The following ARHGEF3 variants were observed in gnomAD, a reference collection of about 807,000 sequenced individuals.
The protein encoded by ARHGEF3 is Rho guanine nucleotide exchange factor 3.
In ARHGEF3, 28 loss-of-function variants were observed where a neutral mutation model predicts 63.2. That is an observed-to-expected ratio of 0.44 (90% CI 0.33 to 0.61). The LOEUF is 0.61. Ranked by LOEUF, ARHGEF3 falls within the 20% of genes least tolerant of loss-of-function variation. The pLI, the probability that ARHGEF3 is intolerant of heterozygous loss-of-function variation, is 0.03. For missense variants in ARHGEF3, 533 were observed against 659.3 expected, an observed-to-expected ratio of 0.81 and a Z score of 2.10; for synonymous variants, 266 against 254.2, an observed-to-expected ratio of 1.05 and a Z score of -0.44.
At chr3:56,879,785 T>C (rs1202814450) in intron 4 of ARHGEF3, among the ~76,000 whole-genome samples, 1 of 152,184 alleles carries the variant, frequency 6.6e-6, no homozygotes. Flanking sequence ...TAAAGTTCCT[T>C]TGAGTAGCCC....
Position 57,014,166 on chromosome 3 carries a change from T to G in ARHGEF3, c.62+20922A>C, listed in dbSNP as rs184740111. On this transcript the variant is annotated intron_variant, in intron 2 of 12. Coordinates refer to the ARHGEF3 transcript ENST00000338458. ...GCGGGAAGGTTTGCAGCTTCACTCT[T>G]GAAGCCAGCAAGACCACGAACCCAC... Among the ~76,000 whole-genome samples, 6 of 152,182 alleles carry G rather than the reference T, an allele frequency of 3.9e-5. No individual in the cohort carries two copies. In the East Asian group the frequency reaches 1.2e-3, roughly 29 times the overall value.
intron 1 of ARHGEF3, among the ~76,000 whole-genome samples, chr3:56,776,847 T>C (rs921714090): frequency 3.3e-5 from 5 of 152,006 alleles, no homozygotes; most frequent in African/African-American, 9.7e-5. Context: ...GAACCAAGTG[T>C]CCTGTTTCAA....
intron 1 of ARHGEF3, among the ~76,000 whole-genome samples, chr3:57,067,454 AAATAATAATAATAAT>A (rs10528636): frequency 5.0e-5 from 7 of 140,458 alleles, no homozygotes; most frequent in Non-Finnish European, 1.1e-4. Context: ...CTCTGTCTCA[AAATAATAATAATAAT>A]AATAATAATA....
chr3:56,798,544 T>G (rs1414334711), intron 1 of ARHGEF3, among the ~76,000 whole-genome samples: 1 of 54,576 alleles, frequency 1.8e-5, no homozygotes, highest in South Asian at 7.3e-4. Flanking sequence ...TTCGTTTTTT[T>G]TTTTTTTTTT....
intron 3 of ARHGEF3, among the ~76,000 whole-genome samples, chr3:56,931,279 G>C (rs775368884): frequency 1.3e-5 from 2 of 152,102 alleles, no homozygotes; most frequent in African/African-American, 4.8e-5. Context: ...TTTTTTAAAA[G>C]CCACATATCT....
intron 1 of ARHGEF3, among the ~76,000 whole-genome samples, chr3:56,791,211 T>C (rs2037061166): frequency 6.6e-6 from 1 of 152,106 alleles, no homozygotes; most frequent in African/African-American, 2.4e-5. Context: ...GAGACCAGTC[T>C]GGGCAACATA....
chr3:56,743,757 T>C (rs937891913), intron 7 of ARHGEF3, among the ~76,000 whole-genome samples: 8 of 149,858 alleles, frequency 5.3e-5, no homozygotes, highest in Admixed American at 6.6e-5. Flanking sequence ...CCTTCTATTA[T>C]TGTCCCAGAT....
chr3:56,954,797 T>C (rs1177740599), intron 3 of ARHGEF3, among the ~76,000 whole-genome samples: 4 of 152,102 alleles, frequency 2.6e-5, no homozygotes, highest in African/African-American at 9.7e-5. Flanking sequence ...AATATGAGTG[T>C]CAATAGCCTT....
At chr3:56,864,288 C>T (rs948144329) in intron 4 of ARHGEF3, among the ~76,000 whole-genome samples, 4 of 152,222 alleles carry the variant, frequency 2.6e-5, no homozygotes, top group African/African-American at 9.7e-5. Flanking sequence ...TACCACCTAC[C>T]AGCTGCATTT....
At chr3:56,944,978 G>C (rs1289722870) in intron 3 of ARHGEF3, among the ~76,000 whole-genome samples, 11 of 152,190 alleles carry the variant, frequency 7.2e-5, no homozygotes, top group Admixed American at 7.2e-4. Context: ...AAACTGAATT[G>C]ATAAAGCAAG....
chr3:56,820,646 G>A (rs1234380538), intron 4 of ARHGEF3, among the ~76,000 whole-genome samples: 1 of 151,518 alleles, frequency 6.6e-6, no homozygotes, highest in Non-Finnish European at 1.5e-5. Context: ...TCTTAAAAAA[G>A]AAGGAAACAA....
chr3:57,031,706 G>A (rs531507440), intron 2 of ARHGEF3, among the ~76,000 whole-genome samples: 1 of 152,304 alleles, frequency 6.6e-6, no homozygotes, highest in African/African-American at 2.4e-5. Flanking sequence ...CTGCAAGATA[G>A]TACCCGCTGA....
At chr3:56,865,080 C>T (rs2040198017) in intron 4 of ARHGEF3, among the ~76,000 whole-genome samples, 1 of 152,180 alleles carries the variant, frequency 6.6e-6, no homozygotes, top group Admixed American at 6.5e-5. Flanking sequence ...ACACATTCTT[C>T]ATGAGTTGCC....
intron 4 of ARHGEF3, among the ~76,000 whole-genome samples, chr3:56,857,558 C>G (rs1423737720): frequency 6.6e-6 from 1 of 152,170 alleles, no homozygotes; most frequent in African/African-American, 2.4e-5. Context: ...GTAATTGAGT[C>G]AGTCAATCAG....
chr3:56,732,488 C>T (rs2033242080), intron 8 of ARHGEF3, 64 bp from the exon 9 acceptor site: 4 of 1,573,472 alleles, frequency 2.5e-6, no homozygotes, highest in East Asian at 4.5e-5. Context: ...GATATGTGGA[C>T]CTCTGTGGAT....
At chr3:56,775,054 G>A in intron 1 of ARHGEF3, 1 of 1,551,358 alleles carries the variant, frequency 6.4e-7, no homozygotes, top group Admixed American at 2.0e-5. Flanking sequence ...AGCACATGAA[G>A]ATACCAAATT....
At chr3:56,907,844 C>A (rs2041739915) in intron 3 of ARHGEF3, among the ~76,000 whole-genome samples, 1 of 152,064 alleles carries the variant, frequency 6.6e-6, no homozygotes, top group South Asian at 2.1e-4. Flanking sequence ...CAGAGGGGAA[C>A]AACACACACT....
intron 4 of ARHGEF3, among the ~76,000 whole-genome samples, chr3:56,876,654 C>T (rs1032974055): frequency 1.3e-5 from 2 of 151,616 alleles, no homozygotes; most frequent in East Asian, 3.9e-4. Flanking sequence ...AAACAGGGCT[C>T]ATCTTGATGG....
chr3:56,956,615 G>A (rs973040047), intron 3 of ARHGEF3, among the ~76,000 whole-genome samples: 1 of 152,194 alleles, frequency 6.6e-6, no homozygotes, highest in Non-Finnish European at 1.5e-5. Context: ...CAGTTAGCCT[G>A]GTTCCAGGGA....
Sources: allele counts gnomAD v4.1 joint callset (sites outside exome capture counted in the v4.1 genomes callset), GRCh38; gene constraint gnomAD v4.1.1; transcripts MANE v1.5; gene names NCBI Gene and HGNC (gene_info 2026-07-23, HGNC 2026-07-21).